Variants in EDIL3 observed in about 807,000 individuals in gnomAD.
EDIL3 encodes the protein EGF-like repeat and discoidin I-like domain-containing protein 3.
In EDIL3, 37 loss-of-function variants were observed where a neutral mutation model predicts 67.4. The observed-to-expected ratio is 0.55, with a 90% CI of 0.42 to 0.72. The LOEUF (loss-of-function observed/expected upper bound fraction) is 0.72. Ranked by LOEUF, EDIL3 falls within the 30% of genes least tolerant of loss-of-function variation. The probability of loss-of-function intolerance (pLI) is 0.00; values close to 1 mark genes in which losing one functional copy is unlikely to be tolerated. For synonymous variants in EDIL3, 195 were observed against 196.3 expected, an observed-to-expected ratio of 0.99 and a Z score of 0.05; for missense variants, 527 against 586.3, an observed-to-expected ratio of 0.90 and a Z score of 1.04.
chr5:84,200,654 CTAAT>C (rs1743811610), intron 3 of EDIL3, among the ~76,000 whole-genome samples: 2 of 151,966 alleles, frequency 1.3e-5, no homozygotes, highest in Non-Finnish European at 2.9e-5. Flanking sequence ...TTTAACAAAA[CTAAT>C]TAGTCATATA....
In EDIL3 at chr5:84,135,733, T is replaced by C. The variant is rs114784455; in HGVS notation, c.469+1508A>G. Among the ~76,000 whole-genome samples, 1,497 of 152,314 alleles carry C rather than the reference T, an allele frequency of 9.8e-3. 24 individuals carry two copies. The highest frequency in any genetic ancestry group is 0.035 in the African/African-American group (1,442 of 41,582). ...TTGGCTGTATGGTCAACCTACTTAC[T>C]CAGCCTTCCCTTTCCATCCTTCTGT... On this transcript the variant is annotated intron_variant, in intron 5 of 10. Transcript: ENST00000296591.
chr5:84,313,599 C>T (rs1344970397), intron 1 of EDIL3, among the ~76,000 whole-genome samples: 2 of 152,064 alleles, frequency 1.3e-5, no homozygotes, highest in East Asian at 1.9e-4. Context: ...AAGACTATTG[C>T]GAGCATTAAG....
intron 1 of EDIL3, among the ~76,000 whole-genome samples, chr5:84,331,245 T>C (rs1255315391): frequency 1.3e-5 from 2 of 152,176 alleles, no homozygotes; most frequent in Non-Finnish European, 2.9e-5. Flanking sequence ...GTTAAGACTT[T>C]GGGAGACTGT....
At chr5:84,219,666 G>A (rs1744298964) in intron 3 of EDIL3, among the ~76,000 whole-genome samples, 2 of 152,114 alleles carry the variant, frequency 1.3e-5, no homozygotes, top group East Asian at 1.9e-4. Flanking sequence ...GCACTCCCAT[G>A]TTTATTGCAG....
intron 6 of EDIL3, among the ~76,000 whole-genome samples, chr5:84,084,721 G>A (rs1747038825): frequency 6.6e-6 from 1 of 152,126 alleles, no homozygotes; most frequent in South Asian, 2.1e-4. Context: ...AGAGATCTTT[G>A]CACTTGTCAC....
chr5:84,197,198 G>C (rs1363985564), intron 3 of EDIL3, among the ~76,000 whole-genome samples: 3 of 151,964 alleles, frequency 2.0e-5, no homozygotes, highest in Non-Finnish European at 2.9e-5. Flanking sequence ...GGAGATTATA[G>C]ACAAATAAAT....
chr5:84,086,857 C>G (rs116820514), intron 6 of EDIL3, among the ~76,000 whole-genome samples: 2 of 152,106 alleles, frequency 1.3e-5, no homozygotes, highest in Non-Finnish European at 2.9e-5. Context: ...TCCTCTGTCT[C>G]GTTACCCAGT....
In EDIL3 at chr5:84,071,822, C is replaced by T. The variant is rs139197780; in HGVS notation, c.652-5216G>A. 5.9e-3 allele frequency among the ~76,000 whole-genome samples: 890 copies of T among 152,084 alleles called. 12 individuals carry two copies. Among genetic ancestry groups the T allele is most frequent in the African/African-American group, 0.02 (823 of 41,448 alleles). On this transcript the variant is annotated intron_variant, in intron 6 of 10. Transcript: ENST00000296591. ...ATAACTATTCTACACCAGCAATTAT[C>T]GACTGAAAATATAATCAAAATAGTG... is the stretch of plus-strand genomic sequence containing the variant.
chr5:84,166,227 T>A (rs566762887), intron 4 of EDIL3, among the ~76,000 whole-genome samples: 1 of 152,192 alleles, frequency 6.6e-6, no homozygotes, highest in Admixed American at 6.6e-5. Flanking sequence ...GGAGATGAGG[T>A]ACCGTGTTCC....
chr5:83,983,172 A>G (rs1182674364), intron 9 of EDIL3, among the ~76,000 whole-genome samples: 3 of 152,118 alleles, frequency 2.0e-5, no homozygotes, highest in Non-Finnish European at 2.9e-5. Flanking sequence ...TAGTCTCTTT[A>G]GTATATCCTT....
At chr5:84,052,521 AT>A (rs1561415763) in intron 9 of EDIL3, among the ~76,000 whole-genome samples, 1 of 152,190 alleles carries the variant, frequency 6.6e-6, no homozygotes, top group East Asian at 1.9e-4. Flanking sequence ...GGCAAATTGG[AT>A]AAAGAGTCAA....
In EDIL3 at chr5:84,294,121, C is replaced by T. The variant is rs568576400; in HGVS notation, c.68-39909G>A. ...ATCATCGGCCGGGTGCGGTGGCTCACGCCTGTAATCCCAGCACTTCAGGAG... is the reference window on the plus strand; with the variant it reads ...ATCATCGGCCGGGTGCGGTGGCTCATGCCTGTAATCCCAGCACTTCAGGAG... On this transcript the variant is annotated intron_variant, in intron 1 of 10. Transcript: ENST00000296591. 2.4e-4 allele frequency among the ~76,000 whole-genome samples: 36 copies of T among 150,966 alleles called. No homozygotes were observed. In the South Asian group the frequency reaches 5.8e-3, roughly 24 times the overall value.
chr5:84,073,163 C>T (rs1245657908), intron 6 of EDIL3, among the ~76,000 whole-genome samples: 1 of 152,140 alleles, frequency 6.6e-6, no homozygotes, highest in Admixed American at 6.6e-5. Flanking sequence ...ATGCTAAAAA[C>T]TCTCAATAAA....
chr5:84,140,142 C>T (rs1028821835), intron 4 of EDIL3, among the ~76,000 whole-genome samples: 11 of 151,998 alleles, frequency 7.2e-5, no homozygotes, highest in Non-Finnish European at 1.3e-4. Flanking sequence ...GTGAGATGGA[C>T]TTGAGAAATG....
At position 84,060,470 on chromosome 5, in the gene EDIL3, G is replaced by A; in HGVS notation, c.967C>T (p.Leu323=). 6.8e-6 allele frequency: 11 copies of A among 1,613,570 alleles called. No individual in the cohort carries two copies. Among genetic ancestry groups the A allele is most frequent in the Non-Finnish European group, 9.3e-6 (11 of 1,179,746 alleles). ...TGTATATGTCCTGATTTCATACCCAGAGGCTCAGAACAACCTGAAAGAAAA... is the reference window on the plus strand; with the variant it reads ...TGTATATGTCCTGATTTCATACCCAAAGGCTCAGAACAACCTGAAAGAAAA... ...GCELSGCSEP[L]GMKSGHIQDY... is the part of the protein sequence containing the mutation. Residue 323 remains leucine, a synonymous_variant, in exon 9 of 11, where the codon CTG becomes TTG. Transcript: ENST00000296591.
chr5:83,955,139 G>A (rs971379362), intron 10 of EDIL3, among the ~76,000 whole-genome samples: 3 of 151,790 alleles, frequency 2.0e-5, no homozygotes, highest in African/African-American at 7.2e-5. Context: ...TTGTCATTAT[G>A]CAATTAGGTC....
intron 3 of EDIL3, among the ~76,000 whole-genome samples, chr5:84,186,611 T>C (rs1174847932): frequency 6.6e-6 from 1 of 152,076 alleles, no homozygotes; most frequent in African/African-American, 2.4e-5. Flanking sequence ...TAGGATTTCC[T>C]AGTGGCAACA....
intron 1 of EDIL3, among the ~76,000 whole-genome samples, chr5:84,319,230 T>G (rs1264968969): frequency 8.5e-6 from 1 of 117,864 alleles, no homozygotes; most frequent in Non-Finnish European, 1.9e-5. Flanking sequence ...CCCAGCACTT[T>G]GGGAGGCCGA....
intron 3 of EDIL3, among the ~76,000 whole-genome samples, chr5:84,205,964 G>T (rs1290611925): frequency 6.6e-6 from 1 of 151,846 alleles, no homozygotes. Context: ...GCTTTTGAAT[G>T]TGTTTGCTCT....
Sources: gnomAD v4.1 joint callset for allele counts (sites outside exome capture counted in the v4.1 genomes callset) on GRCh38, gnomAD v4.1.1 for gene constraint, MANE v1.5 for transcripts, NCBI Gene and HGNC (gene_info 2026-07-23, HGNC 2026-07-21) for gene names.